SH3GL2: variants seen among roughly 807,000 people sequenced by gnomAD.
SH3GL2 encodes SH3 domain containing GRB2 like 2, endophilin A1.
Under a neutral mutation model 46.0 loss-of-function variants are expected in SH3GL2, and 24 were observed. The observed-to-expected ratio is 0.52, with a 90% CI of 0.38 to 0.73. The LOEUF is 0.73. Among genes scored for constraint, SH3GL2 ranks in the 30% least tolerant of loss-of-function variants. SH3GL2 has a pLI of 0.00. For synonymous variants in SH3GL2, 196 were observed against 147.1 expected (o/e 1.33, Z -2.40); for missense variants, 413 against 424.2 (o/e 0.97, Z 0.23).
chr9:17,677,672 C>T (rs1433892878), intron 1 of SH3GL2, among the ~76,000 whole-genome samples: 2 of 151,598 alleles, frequency 1.3e-5, no homozygotes, highest in Non-Finnish European at 2.9e-5. Flanking sequence ...GGTACATGTG[C>T]ACAACGTGCA....
intron 2 of SH3GL2, among the ~76,000 whole-genome samples, chr9:17,760,809 A>T (rs1588310252): frequency 6.6e-6 from 1 of 152,174 alleles, no homozygotes; most frequent in East Asian, 1.9e-4. Context: ...GACCTCTTTC[A>T]AGTGGGGAGA....
At chr9:17,653,917 A>C in intron 1 of SH3GL2, 37 of 905,308 alleles carry the variant, frequency 4.1e-5, no homozygotes, top group Non-Finnish European at 4.9e-5. Context: ...GGTAGAAAAC[A>C]TCACATCTGT....
intron 1 of SH3GL2, among the ~76,000 whole-genome samples, chr9:17,625,230 G>A (rs562738504): frequency 6.6e-6 from 1 of 152,304 alleles, no homozygotes; most frequent in East Asian, 1.9e-4. Context: ...GAGGTGGTGA[G>A]TGGATGGTAT....
intron 1 of SH3GL2, among the ~76,000 whole-genome samples, chr9:17,583,874 G>C (rs537956044): frequency 1.4e-4 from 21 of 152,036 alleles, no homozygotes; most frequent in Non-Finnish European, 2.4e-4. Context: ...TTGTTGATTT[G>C]GTGAGATGTT....
At chr9:17,587,188 C>T (rs1237854014) in intron 1 of SH3GL2, among the ~76,000 whole-genome samples, 3 of 151,984 alleles carry the variant, frequency 2.0e-5, no homozygotes, top group Non-Finnish European at 4.4e-5. Context: ...GGCGACAGAG[C>T]GAGACTGTCT....
intron 3 of SH3GL2, among the ~76,000 whole-genome samples, chr9:17,762,553 G>T (rs1389085366): frequency 6.6e-6 from 1 of 152,104 alleles, no homozygotes; most frequent in African/African-American, 2.4e-5. Context: ...TTCTGAGGAT[G>T]AGCAGACTAT....
chr9:17,748,035 A>G (rs1822744952), intron 2 of SH3GL2, among the ~76,000 whole-genome samples: 1 of 152,192 alleles, frequency 6.6e-6, no homozygotes, highest in Non-Finnish European at 1.5e-5. Flanking sequence ...GATTTTAGTT[A>G]AGGCTTAAAA....
chr9:17,696,672 G>A (rs1821211297), intron 1 of SH3GL2, among the ~76,000 whole-genome samples: 1 of 152,116 alleles, frequency 6.6e-6, no homozygotes, highest in Non-Finnish European at 1.5e-5. Flanking sequence ...ACAGCATGGG[G>A]GAACTGCCCA....
chr9:17,718,951 A>G lies in SH3GL2; in HGVS notation c.46-28115A>G, dbSNP rs79354144. ...CCTTGTATTTATTCTGCCATCCACT[A>G]TAACTTCTGAGGGTTTACTTTTTAT... On this transcript the variant is annotated intron_variant, in intron 1 of 8. Transcript: ENST00000380607. Among the ~76,000 whole-genome samples the G allele has an allele frequency of 2.3e-3, 346 of 152,210 alleles. 6 individuals carry two copies. In the East Asian group the frequency reaches 0.025, roughly 11 times the overall value.
rs376564001 is a variant in SH3GL2, at chr9:17,677,854, C to G, written c.46-69212C>G. Among the ~76,000 whole-genome samples the G allele has an allele frequency of 1.8e-4, 28 of 151,726 alleles. No individual in the cohort carries two copies. In the East Asian group the frequency reaches 4.3e-3, roughly 23 times the overall value. On this transcript the variant is annotated intron_variant, in intron 1 of 8. Coordinates refer to ENST00000380607, the MANE Select transcript of SH3GL2 (RefSeq NM_003026.5). ...TCCAAGTGTTCTCATTGTTCAATTC[C>G]CACCTTTGAGTGAGAAAATGCGGTG...
rs959421997 is a variant in SH3GL2 at position 17,789,262 on chromosome 9, C to T, written c.466-130C>T. 6.4e-5 allele frequency: 43 copies of T among 673,550 alleles called. No individual in the cohort carries two copies. In the South Asian group the frequency reaches 8.3e-4, roughly 13 times the overall value. The allele number at this position is 673,550 out of a possible 1,614,324, so 41.7% of individuals were successfully genotyped here. ...CATTGATGCATGTTTCTTTATTTCT[C>T]TGGTGGCGTTGTATTTTAAAACTTA... On this transcript the variant is annotated intron_variant, in intron 5 of 8. Transcript: ENST00000380607.
chr9:17,607,288 A>G (rs900010975), intron 1 of SH3GL2, among the ~76,000 whole-genome samples: 2 of 152,212 alleles, frequency 1.3e-5, no homozygotes, highest in Non-Finnish European at 2.9e-5. Flanking sequence ...ACCATACTGA[A>G]TGTTGTAGGT....
chr9:17,658,136 T>G (rs1310739720), intron 1 of SH3GL2, among the ~76,000 whole-genome samples: 2 of 152,206 alleles, frequency 1.3e-5, no homozygotes, highest in African/African-American at 4.8e-5. Flanking sequence ...ATACTCTTCT[T>G]TAGTTGCAGA....
intron 1 of SH3GL2, among the ~76,000 whole-genome samples, chr9:17,602,680 C>G (rs529911142): frequency 2.6e-5 from 4 of 152,294 alleles, no homozygotes; most frequent in African/African-American, 9.6e-5. Flanking sequence ...AGTTGATTGT[C>G]AAATTTTCCT....
chr9:17,693,898 A>T (rs927605483), intron 1 of SH3GL2, among the ~76,000 whole-genome samples: 1 of 152,172 alleles, frequency 6.6e-6, no homozygotes, highest in African/African-American at 2.4e-5. Context: ...TTTAATTTCT[A>T]TTGATAAAAG....
intron 1 of SH3GL2, among the ~76,000 whole-genome samples, chr9:17,640,578 C>G (rs1019616735): frequency 6.6e-6 from 1 of 152,040 alleles, no homozygotes; most frequent in Non-Finnish European, 1.5e-5. Context: ...CCAGTAATGC[C>G]CACCTGCAAG....
At chr9:17,740,827 T>C (rs1344156404) in intron 1 of SH3GL2, among the ~76,000 whole-genome samples, 1 of 152,154 alleles carries the variant, frequency 6.6e-6, no homozygotes, top group Admixed American at 6.5e-5. Context: ...TTTACACATA[T>C]TTTCTCATCT....
chr9:17,692,047 C>CA (rs1429240653), intron 1 of SH3GL2, among the ~76,000 whole-genome samples: 5 of 152,144 alleles, frequency 3.3e-5, no homozygotes, highest in Non-Finnish European at 5.9e-5. Flanking sequence ...GACCTGTGTG[C>CA]ACATTTATTA....
chr9:17,587,421 A>G (rs58929042), intron 1 of SH3GL2, among the ~76,000 whole-genome samples: 23,695 of 152,090 alleles, frequency 0.16, 2,424 homozygotes, highest in East Asian at 0.41. Flanking sequence ...TTTCTTATAT[A>G]TATTTGGCCA....
Sources: gnomAD v4.1 joint callset for allele counts (sites outside exome capture counted in the v4.1 genomes callset) on GRCh38, gnomAD v4.1.1 for gene constraint, MANE v1.5 for transcripts, NCBI Gene and HGNC (gene_info 2026-07-23, HGNC 2026-07-21) for gene names.